FCRL6: variants seen among roughly 807,000 people sequenced by gnomAD.
FCRL6 encodes the protein Fc receptor like 6, also known as Fc receptor-like protein 6.
Under a neutral mutation model 49.1 loss-of-function variants are expected in FCRL6, and 50 were observed. The ratio of observed to expected loss-of-function variants is 1.02; its 90% confidence interval spans 0.81 to 1.29. FCRL6 has a LOEUF of 1.29. Among genes scored for constraint, FCRL6 ranks in the 50% most tolerant of loss-of-function variants. FCRL6 has a pLI of 0.00. For synonymous variants in FCRL6, 213 were observed against 199.6 expected (o/e 1.07, Z -0.57); for missense variants, 571 against 518.5 (o/e 1.10, Z -0.98).
intron 7 of FCRL6, 44 bp from the exon 8 acceptor site, chr1:159,814,177 G>C: frequency 6.4e-7 from 1 of 1,550,838 alleles, no homozygotes; most frequent in African/African-American, 1.4e-5. Flanking sequence ...ACATGAGGTG[G>C]GAGAGTCAGG....
Position 159,812,538 on chromosome 1 carries a change from C to A in FCRL6, c.1010-951C>A, listed in dbSNP as rs138785454. On this transcript the variant is annotated intron_variant, in intron 6 of 9. Transcript: ENST00000368106. ...TGTTTAAAAGTGTTCCTTTTACTAC[C>A]AGTTGTCACACATCCCGTAAAACAA... Among the ~76,000 whole-genome samples the A allele has an allele frequency of 7.5e-4, 114 of 152,304 alleles. 1 individual carries two copies. The highest frequency in any genetic ancestry group is 2.6e-3 in the African/African-American group (109 of 41,562).
Position 159,802,500 on chromosome 1 carries a change from C to A in FCRL6, c.31+45C>A, listed in dbSNP as rs563269380. The A allele has an allele frequency of 1.2e-5, 18 of 1,551,684 alleles. No homozygotes were observed. In the South Asian group the frequency reaches 1.7e-4, roughly 15 times the overall value. On this transcript the variant is annotated intron_variant, in intron 1 of 9. Transcript: ENST00000368106. The stretch of plus-strand genomic sequence containing the variant: ...CATCCCCTCTTGGAGCACTAAGGAC[C>A]GTAAGTCATCCCTGAGACACCAAGT...
At chr1:159,801,819 G>C (rs573953542), upstream of FCRL6, among the ~76,000 whole-genome samples, 2 of 152,176 alleles carry the variant, frequency 1.3e-5, no homozygotes, top group Non-Finnish European at 2.9e-5. Context: ...AAAAGCCTCA[G>C]ATGCCGAAGC....
At position 159,809,058 on chromosome 1, in the gene FCRL6, G is replaced by A. The variant is rs138094040; in HGVS notation, c.417G>A (p.Leu139=). 1.2e-6 allele frequency: 2 copies of A among 1,613,964 alleles called. No individual in the cohort carries two copies. The highest frequency in any genetic ancestry group is 1.3e-5 in the African/African-American group (1 of 74,906). The change falls in exon 4 of 10, where the codon CTG becomes CTA. Residue 139 remains leucine, a synonymous_variant. Transcript: ENST00000368106. ...GATGTCAGACAAAGCTGCACCCCCT[G>A]AGGTCAGCCTTGAGGCTCCTTTTCT... ...TLRCQTKLHP[L]RSALRLLFSF... is the part of the protein sequence containing the mutation.
chr1:159,814,540 A>G (rs1663275369), intron 8 of FCRL6, among the ~76,000 whole-genome samples: 1 of 152,162 alleles, frequency 6.6e-6, no homozygotes, highest in African/African-American at 2.4e-5. Flanking sequence ...CACGCTCACC[A>G]CAAACACCAC....
chr1:159,807,580 G>A (rs1185179687), intron 2 of FCRL6, among the ~76,000 whole-genome samples: 1 of 152,222 alleles, frequency 6.6e-6, no homozygotes, highest in Non-Finnish European at 1.5e-5. Context: ...GCCCTGCTGA[G>A]GGTAGAGATG....
intron 6 of FCRL6, 124 bp downstream of exon 6, chr1:159,810,340 G>T (rs1175644921): frequency 2.2e-5 from 27 of 1,204,252 alleles, no homozygotes; most frequent in Non-Finnish European, 2.8e-5. Context: ...GTGGCAGGGG[G>T]GACTTCTCTT....
Position 159,809,523 on chromosome 1 carries a change from C to A in FCRL6, c.726C>A (p.Tyr242Ter). 1 of 1,614,160 alleles carries A rather than the reference C, an allele frequency of 6.2e-7. No individual in the cohort carries two copies. The highest frequency in any genetic ancestry group is 1.1e-5 in the South Asian group (1 of 91,076). The part of the protein sequence containing the change: ...RGSPPILYSF[Y>*]LDEKIVGNHS... The stretch of plus-strand genomic sequence containing the variant: ...CCCCTCCGATCCTGTATTCCTTCTA[C>A]CTTGATGAGAAGATTGTGGGGAACC... Residue 242 changes from tyrosine to a stop codon, truncating the protein, a stop_gained, in exon 5 of 10, where the codon TAC becomes TAA. Transcript: ENST00000368106. LOFTEE classifies it high-confidence loss of function.
At position 159,808,463 on chromosome 1, in the gene FCRL6, A is replaced by T; in HGVS notation, c.319+19A>T. ...GTCCAAGGTGAGTCACCAGCTTGGGAGTTTGTGGGGCAGGAGGTGCTGCTC... is the reference window on the plus strand; with the variant it reads ...GTCCAAGGTGAGTCACCAGCTTGGGTGTTTGTGGGGCAGGAGGTGCTGCTC... On this transcript the variant is annotated intron_variant, in intron 3 of 9. Coordinates refer to ENST00000368106, the MANE Select transcript of FCRL6 (RefSeq NM_001004310.3). The T allele has an allele frequency of 1.2e-6, 2 of 1,613,930 alleles. No homozygotes were observed. Among genetic ancestry groups the T allele is most frequent in the Non-Finnish European group, 1.7e-6 (2 of 1,179,920 alleles).
intron 3 of FCRL6, 178 bp downstream of exon 3, chr1:159,808,622 G>A: frequency 2.9e-6 from 2 of 697,682 alleles, no homozygotes; most frequent in South Asian, 3.6e-5. Flanking sequence ...TCCCCACCAT[G>A]GGGGACACAT....
Position 159,810,133 on chromosome 1 carries a change from T to C in FCRL6, c.926T>C (p.Val309Ala), listed in dbSNP as rs1259456690. 1 of 1,614,048 alleles carries C rather than the reference T, an allele frequency of 6.2e-7. No individual in the cohort carries two copies. The highest frequency in any genetic ancestry group is 1.7e-5 in the Admixed American group (1 of 60,018). Reference sequence around the variant, plus strand: ...TTCACTCCCGCCAGCAACTGGCTGGTTCCTTGGCTTCCTGCGAGCCTGCTT... The same window carrying C: ...TTCACTCCCGCCAGCAACTGGCTGGCTCCTTGGCTTCCTGCGAGCCTGCTT... ...VLFTPASNWL[V>A]PWLPASLLGL... Residue 309 changes from valine (V) to alanine (A), a missense_variant, in exon 6 of 10, where the codon GTT becomes GCT. By Grantham distance (64) the Val-to-Ala change is moderately conservative. Coordinates refer to ENST00000368106, the MANE Select transcript of FCRL6 (RefSeq NM_001004310.3).
At chr1:159,800,731 C>G, upstream of FCRL6, 1 of 835,756 alleles carries the variant, frequency 1.2e-6, no homozygotes, top group Middle Eastern at 2.2e-4. Flanking sequence ...CCCACTTCCA[C>G]TGAGTCAGAC....
chr1:159,814,475 C>T (rs570575178), intron 8 of FCRL6, among the ~76,000 whole-genome samples, 183 bp downstream of exon 8: 2 of 152,164 alleles, frequency 1.3e-5, no homozygotes, highest in African/African-American at 4.8e-5. Flanking sequence ...ACCACCTTCA[C>T]CTTCACACCA....
chr1:159,806,572 T>A lies in FCRL6; in HGVS notation c.32-24T>A, dbSNP rs144415344. The A allele has an allele frequency of 9.3e-6, 15 of 1,610,178 alleles. No homozygotes were observed. In the African/African-American group the frequency reaches 1.2e-4, roughly 13 times the overall value. ...AAGCTCTTTTTGCTACTTAACCTAA[T>A]TGTGTTACTTTGTTCTCTTGCAGTT... On this transcript the variant is annotated intron_variant, in intron 1 of 9. Coordinates refer to ENST00000368106, the MANE Select transcript of FCRL6 (RefSeq NM_001004310.3).
intron 6 of FCRL6, 89 bp downstream of exon 6, chr1:159,810,305 G>T: frequency 1.3e-6 from 2 of 1,483,308 alleles, no homozygotes; most frequent in Non-Finnish European, 9.1e-7. Context: ...GACAGGACCA[G>T]CCACTCTCTT....
rs775823599 is a variant in FCRL6 at position 159,809,402 on chromosome 1, C to G, written c.605C>G (p.Ala202Gly). 6.3e-7 allele frequency: 1 copy of G among 1,589,616 alleles called. No homozygotes were observed. The highest frequency in any genetic ancestry group is 1.1e-5 in the South Asian group (1 of 87,210). The change falls in exon 5 of 10, where the codon GCT (alanine) becomes GGT (glycine). Residue 202 changes from alanine (A) to glycine (G), a missense_variant and splice_region_variant. Coordinates refer to ENST00000368106, the MANE Select transcript of FCRL6 (RefSeq NM_001004310.3). ...GCCTCCCACCCCATGTGTGTCCCAG[C>G]TCCTGTATCCCGTCCTGTGCTCACT... ...QSPQLEVRVQ[A>G]PVSRPVLTLH...
chr1:159,800,637 C>T (rs1662264803), upstream of FCRL6: 1 of 1,543,800 alleles, frequency 6.5e-7, no homozygotes, highest in East Asian at 2.4e-5. Context: ...ATTTCTACTT[C>T]CTACTTTACT....
intron 1 of FCRL6, among the ~76,000 whole-genome samples, chr1:159,803,637 C>T (rs1343264121): frequency 6.6e-6 from 1 of 152,188 alleles, no homozygotes; most frequent in Non-Finnish European, 1.5e-5. Context: ...CCGGCACTAC[C>T]TTGTAAAAGG....
intron 5 of FCRL6, 150 bp downstream of exon 5, chr1:159,809,833 G>C (rs757247040): frequency 6.3e-6 from 5 of 791,650 alleles, no homozygotes; most frequent in Non-Finnish European, 1.0e-5. Flanking sequence ...TAGTCCATCT[G>C]TCCACTGAGC....
Sources: gnomAD v4.1 joint callset for allele counts (sites outside exome capture counted in the v4.1 genomes callset) on GRCh38, gnomAD v4.1.1 for gene constraint, MANE v1.5 for transcripts, NCBI Gene and HGNC (gene_info 2026-07-23, HGNC 2026-07-21) for gene names.